The following KCTD20 variants were observed in gnomAD, a reference collection of about 807,000 sequenced individuals.
The protein encoded by KCTD20 is BTB/POZ domain-containing protein KCTD20.
KCTD20 carries 30 observed loss-of-function variants against 39.6 expected under a neutral mutation model. The observed-to-expected ratio is 0.76, with a 90% CI of 0.57 to 1.03. The LOEUF is 1.03. Ranked by LOEUF, KCTD20 falls within the 50% of genes least tolerant of loss-of-function variation. The pLI, the probability that KCTD20 is intolerant of heterozygous loss-of-function variation, is 0.00. For missense variants in KCTD20, 422 were observed against 522.0 expected (o/e 0.81, Z 1.87); for synonymous variants, 162 against 180.6 (o/e 0.90, Z 0.83).
At chr6:36,450,359 G>A (rs946529815) in intron 1 of KCTD20, among the ~76,000 whole-genome samples, 1 of 151,446 alleles carries the variant, frequency 6.6e-6, no homozygotes, top group African/African-American at 2.4e-5. Context: ...ACGATGGCAC[G>A]TGCTTGTAAT....
chr6:36,463,878 C>T (rs1476274409), intron 1 of KCTD20, among the ~76,000 whole-genome samples: 1 of 152,094 alleles, frequency 6.6e-6, no homozygotes, highest in Non-Finnish European at 1.5e-5. Context: ...TAAATAGGAA[C>T]AGATTGAGAG....
chr6:36,480,506 C>T (rs1776212917), intron 5 of KCTD20, among the ~76,000 whole-genome samples: 1 of 149,736 alleles, frequency 6.7e-6, no homozygotes, highest in Non-Finnish European at 1.5e-5. Flanking sequence ...AGTCCTCCCA[C>T]CTCAGCCTCC....
In KCTD20 at chr6:36,479,722, G is replaced by C; in HGVS notation, c.658+11G>C. ...GATGTCAAGATCTGAGTAAGTACAG[G>C]AGCAGGTGCCAGCTGCACTTAAGCA... On this transcript the variant is annotated intron_variant, in intron 5 of 7. Coordinates refer to ENST00000373731, the MANE Select transcript of KCTD20 (RefSeq NM_173562.5). 1 of 1,592,874 alleles carries C rather than the reference G, an allele frequency of 6.3e-7. No individual in the cohort carries two copies.
chr6:36,470,660 G>A (rs1249137388), intron 2 of KCTD20, among the ~76,000 whole-genome samples: 1 of 151,942 alleles, frequency 6.6e-6, no homozygotes. Context: ...GGAGTGCAGT[G>A]GCGCGATCTT....
At position 36,491,122 on chromosome 6, in the gene KCTD20, TAATAA is replaced by T. The variant is rs1776574074; in HGVS notation, c.*3952_*3956del. ...TCCTGTATTTGGGATGCTTTTTCTA[TAATAA>T]AATATTATAATTTGTGTGTCTGTTT... On this transcript the variant is annotated 3_prime_UTR_variant, in exon 8 of 8. Coordinates refer to ENST00000373731, the MANE Select transcript of KCTD20 (RefSeq NM_173562.5). The T allele has an allele frequency of 6.6e-6, 1 of 152,138 alleles. No individual in the cohort carries two copies. The highest frequency in any genetic ancestry group is 6.5e-5 in the Admixed American group (1 of 15,274). 9.4% of individuals were successfully genotyped at this position (152,138 alleles called of 1,614,324 possible). A position where few individuals can be genotyped will look rare whatever the true frequency, so the allele number is the denominator to read the frequency against.
intron 1 of KCTD20, among the ~76,000 whole-genome samples, chr6:36,444,677 TCAAATA>T (rs1774984663): frequency 6.6e-6 from 1 of 152,228 alleles, no homozygotes; most frequent in South Asian, 2.1e-4. Context: ...AATTTAGTCA[TCAAATA>T]CCTGCGTAAT....
At chr6:36,478,171 C>T (rs1776131231) in intron 3 of KCTD20, among the ~76,000 whole-genome samples, 1 of 152,136 alleles carries the variant, frequency 6.6e-6, no homozygotes, top group Non-Finnish European at 1.5e-5. Context: ...GGCAACACTT[C>T]CCAGCAGTTT....
intron 1 of KCTD20, among the ~76,000 whole-genome samples, chr6:36,466,321 C>T (rs1775752042): frequency 6.6e-6 from 1 of 151,792 alleles, no homozygotes; most frequent in South Asian, 2.1e-4. Context: ...CCTCAGCCTC[C>T]CAAAGGGCTG....
At chr6:36,470,379 T>C (rs965634886) in intron 2 of KCTD20, 122 bp downstream of exon 2, 4 of 916,740 alleles carry the variant, frequency 4.4e-6, no homozygotes, top group Admixed American at 2.5e-5. Context: ...TTAGCTTGCA[T>C]GTCACAATTA....
chr6:36,446,024 GTT>G (rs553882182), intron 1 of KCTD20, among the ~76,000 whole-genome samples: 1 of 126,538 alleles, frequency 7.9e-6, no homozygotes, highest in African/African-American at 3.0e-5. Context: ...TATGAACTCA[GTT>G]TTTTTTTTTT....
chr6:36,479,935 C>T (rs1776193486), intron 5 of KCTD20, among the ~76,000 whole-genome samples: 1 of 151,750 alleles, frequency 6.6e-6, no homozygotes, highest in African/African-American at 2.4e-5. Flanking sequence ...TGGGATTACA[C>T]ATACCTGCCA....
rs1582385607 is a variant in KCTD20 at position 36,488,617 on chromosome 6, C to T, written c.*1442C>T. 6.6e-6 allele frequency: 1 copy of T among 152,140 alleles called. No homozygotes were observed. Among genetic ancestry groups the T allele is most frequent in the African/African-American group, 2.4e-5 (1 of 41,424 alleles). 9.4% of individuals were successfully genotyped at this position (152,140 alleles called of 1,614,324 possible). On this transcript the variant is annotated 3_prime_UTR_variant, in exon 8 of 8. Transcript: ENST00000373731. ...TGGAATACTTAACAGTTGAGCACCC[C>T]AAATCTGAAAGGCTTCTGAACGTCA...
intron 1 of KCTD20, among the ~76,000 whole-genome samples, chr6:36,452,999 CTTTTTTTTTT>C (rs59865602): frequency 1.2e-4 from 7 of 58,142 alleles, no homozygotes; most frequent in South Asian, 7.1e-4. Flanking sequence ...GTTTTCTTAG[CTTTTTTTTTT>C]TTTTTTTTTT....
chr6:36,480,232 C>G (rs12203561), intron 5 of KCTD20, among the ~76,000 whole-genome samples: 16 of 152,078 alleles, frequency 1.1e-4, no homozygotes, highest in Non-Finnish European at 1.9e-4. Flanking sequence ...CAAAGGAAAA[C>G]AGATAGTAGT....
At chr6:36,465,281 G>T (rs139415756) in intron 1 of KCTD20, among the ~76,000 whole-genome samples, 3 of 147,220 alleles carry the variant, frequency 2.0e-5, no homozygotes, top group African/African-American at 7.6e-5. Context: ...GGGCAAGAAG[G>T]GTGAGATTCC....
At chr6:36,483,862 G>A (rs9470291) in intron 6 of KCTD20, among the ~76,000 whole-genome samples, 41,805 of 150,300 alleles carry the variant, frequency 0.28, 6,703 homozygotes, top group African/African-American at 0.44. Flanking sequence ...TACTTTCTTA[G>A]TAAGTAAAAA....
intron 1 of KCTD20, chr6:36,451,560 C>T (rs909354307): frequency 1.3e-5 from 2 of 152,174 alleles, no homozygotes; most frequent in African/African-American, 4.8e-5. Flanking sequence ...AAGATTTCAG[C>T]TCACTGCAGC....
intron 5 of KCTD20, among the ~76,000 whole-genome samples, chr6:36,480,988 T>G (rs1776227532): frequency 1.3e-5 from 2 of 152,282 alleles, no homozygotes; most frequent in South Asian, 2.1e-4. Flanking sequence ...AAGGCCAGGA[T>G]GAGAACTCAG....
In KCTD20 at chr6:36,487,388, C is replaced by G. The variant is rs1582383502; in HGVS notation, c.*213C>G. 1.8e-6 allele frequency: 1 copy of G among 560,886 alleles called. No individual in the cohort carries two copies. The highest frequency in any genetic ancestry group is 4.7e-4 in the Middle Eastern group (1 of 2,120). 34.7% of individuals were successfully genotyped at this position (560,886 alleles called of 1,614,324 possible). A position where few individuals can be genotyped will look rare whatever the true frequency, so the allele number is the denominator to read the frequency against. On this transcript the variant is annotated 3_prime_UTR_variant, in exon 8 of 8. Transcript: ENST00000373731. The stretch of plus-strand genomic sequence containing the variant: ...CACTGGTAATTAGCTACCATCTTTG[C>G]AGCAGCCCTGGTAACTTGAAAAATT...
Sources: allele counts gnomAD v4.1 joint callset (sites outside exome capture counted in the v4.1 genomes callset), GRCh38; gene constraint gnomAD v4.1.1; transcripts MANE v1.5; gene names NCBI Gene and HGNC (gene_info 2026-07-23, HGNC 2026-07-21).